PCCA: variants seen among roughly 807,000 people sequenced by gnomAD.
The protein encoded by PCCA is propionyl-CoA carboxylase subunit alpha.
Under a neutral mutation model 101.3 loss-of-function variants are expected in PCCA, and 74 were observed. That is an observed-to-expected ratio of 0.73 (90% CI 0.61 to 0.89). The LOEUF is 0.89. Among genes scored for constraint, PCCA ranks in the 40% least tolerant of loss-of-function variants. PCCA has a pLI of 0.00. For missense variants in PCCA, 891 were observed against 907.0 expected (o/e 0.98, Z 0.23); for synonymous variants, 294 against 313.6 (o/e 0.94, Z 0.66).
At chr13:100,369,101 A>G (rs1313624623) in intron 19 of PCCA, among the ~76,000 whole-genome samples, 3 of 152,188 alleles carry the variant, frequency 2.0e-5, no homozygotes, top group Non-Finnish European at 2.9e-5. Context: ...AGATTACAGT[A>G]AGATTTCAGT....
At chr13:100,317,038 GAAC>G (rs2067437012) in intron 16 of PCCA, among the ~76,000 whole-genome samples, 1 of 152,102 alleles carries the variant, frequency 6.6e-6, no homozygotes, top group African/African-American at 2.4e-5. Context: ...CTCCCAAAAT[GAAC>G]AATACTATTT....
At chr13:100,205,431 A>C (rs1184243799) in intron 6 of PCCA, among the ~76,000 whole-genome samples, 3 of 152,196 alleles carry the variant, frequency 2.0e-5, no homozygotes, top group African/African-American at 7.2e-5. Flanking sequence ...ACATTGATAA[A>C]AAGGAAGTTA....
intron 19 of PCCA, among the ~76,000 whole-genome samples, chr13:100,421,023 A>G (rs1267550512): frequency 1.3e-5 from 2 of 152,168 alleles, no homozygotes; most frequent in East Asian, 3.9e-4. Flanking sequence ...CCTGGCCAAC[A>G]TGGTGAAACA....
intron 21 of PCCA, among the ~76,000 whole-genome samples, chr13:100,503,546 GT>G (rs2085843423): frequency 6.6e-6 from 1 of 152,080 alleles, no homozygotes. Flanking sequence ...AACATCTTGT[GT>G]TTAAAAGTCT....
chr13:100,312,615 G>T (rs1466724143), intron 16 of PCCA, among the ~76,000 whole-genome samples: 1 of 152,192 alleles, frequency 6.6e-6, no homozygotes, highest in Non-Finnish European at 1.5e-5. Context: ...ACTGAATTAT[G>T]AGCATGTTCA....
chr13:100,197,283 C>T (rs1161637323), intron 6 of PCCA, among the ~76,000 whole-genome samples: 2 of 152,152 alleles, frequency 1.3e-5, no homozygotes, highest in Admixed American at 6.5e-5. Flanking sequence ...ACATGGCTCA[C>T]TGCAGCCTTG....
intron 12 of PCCA, among the ~76,000 whole-genome samples, chr13:100,281,056 G>C (rs1400567237): frequency 6.6e-6 from 1 of 152,116 alleles, no homozygotes; most frequent in Non-Finnish European, 1.5e-5. Context: ...CACATCGACT[G>C]TATGATACCT....
intron 20 of PCCA, among the ~76,000 whole-genome samples, chr13:100,430,015 G>A (rs1435604348): frequency 1.3e-5 from 2 of 152,010 alleles, no homozygotes; most frequent in African/African-American, 4.8e-5. Flanking sequence ...TGTGGCTCAC[G>A]CCTGTAATCC....
chr13:100,269,569 T>C (rs1306331830), intron 11 of PCCA, among the ~76,000 whole-genome samples: 1 of 152,184 alleles, frequency 6.6e-6, no homozygotes, highest in Non-Finnish European at 1.5e-5. Context: ...GTATGGGGCC[T>C]CATTTCTCAT....
intron 19 of PCCA, among the ~76,000 whole-genome samples, chr13:100,372,996 G>A (rs147292610): frequency 2.4e-3 from 366 of 152,112 alleles, no homozygotes; most frequent in African/African-American, 8.5e-3. Context: ...CACCCACTTC[G>A]GCCTCCCAAA....
intron 17 of PCCA, among the ~76,000 whole-genome samples, chr13:100,336,274 A>G (rs544930420): frequency 6.6e-6 from 1 of 152,268 alleles, no homozygotes; most frequent in Non-Finnish European, 1.5e-5. Context: ...AGAAACAAAA[A>G]CAAACAAACA....
intron 22 of PCCA, among the ~76,000 whole-genome samples, chr13:100,520,268 C>T (rs969622346): frequency 5.3e-5 from 8 of 152,190 alleles, no homozygotes; most frequent in African/African-American, 1.4e-4. Flanking sequence ...CCATCTCATT[C>T]CTGTCCTGTC....
intron 20 of PCCA, among the ~76,000 whole-genome samples, chr13:100,434,877 A>G (rs1005818999): frequency 3.3e-5 from 5 of 152,212 alleles, no homozygotes; most frequent in African/African-American, 9.7e-5. Context: ...AAGCTTAAGA[A>G]TTCGACCTCC....
chr13:100,100,448 A>G (rs1380824654), intron 1 of PCCA, among the ~76,000 whole-genome samples: 1 of 152,242 alleles, frequency 6.6e-6, no homozygotes, highest in Non-Finnish European at 1.5e-5. Context: ...TTGCTAGGAA[A>G]TACCTTACAA....
intron 19 of PCCA, among the ~76,000 whole-genome samples, chr13:100,422,064 CTT>C (rs1312704290): frequency 2.3e-5 from 1 of 43,752 alleles, no homozygotes; most frequent in Admixed American, 2.3e-4. Context: ...TTTCTCTTCT[CTT>C]TTCTTTTCTT....
At position 100,400,630 on chromosome 13, in the gene PCCA, C is replaced by CTTTTTTTTTT. The variant is rs1281449669; in HGVS notation, c.1747-24995_1747-24986dup. On this transcript the variant is annotated intron_variant, in intron 19 of 23. Coordinates refer to ENST00000376285, the MANE Select transcript of PCCA (RefSeq NM_000282.4). Reference sequence around the variant, plus strand: ...TGATTGATCTTAGTTCTTTTTAGTTCTTTTTTTTTTTTTTTTTGAGAGTTT... The same window carrying CTTTTTTTTTT: ...TGATTGATCTTAGTTCTTTTTAGTTCTTTTTTTTTTTTTTTTTTTTTTTTTTTGAGAGTTT... Among the ~76,000 whole-genome samples the CTTTTTTTTTT allele has an allele frequency of 5.3e-4, 48 of 90,962 alleles. 2 individuals are homozygous for CTTTTTTTTTT. The highest frequency in any genetic ancestry group is 2.4e-3 in the African/African-American group (45 of 18,636). The allele number at this position is 90,962 out of a possible 152,430, so 59.7% of individuals were successfully genotyped here. A position where few individuals can be genotyped will look rare whatever the true frequency, so the allele number is the denominator to read the frequency against.
intron 15 of PCCA, among the ~76,000 whole-genome samples, chr13:100,308,573 G>A (rs530496508): frequency 5.9e-5 from 9 of 152,004 alleles, no homozygotes; most frequent in Non-Finnish European, 1.2e-4. Context: ...CAATCCACCC[G>A]CCTCGGCCTC....
At chr13:100,395,962 G>A (rs2077026074) in intron 19 of PCCA, among the ~76,000 whole-genome samples, 1 of 152,172 alleles carries the variant, frequency 6.6e-6, no homozygotes, top group East Asian at 1.9e-4. Context: ...AGCAATCATA[G>A]TTTTCCTCTG....
intron 16 of PCCA, among the ~76,000 whole-genome samples, chr13:100,328,344 T>C (rs1436414281): frequency 6.7e-6 from 1 of 150,036 alleles, no homozygotes; most frequent in Non-Finnish European, 1.5e-5. Flanking sequence ...ACCTGGGCGA[T>C]AGAGTGAGAC....
Sources: allele counts gnomAD v4.1 joint callset (sites outside exome capture counted in the v4.1 genomes callset), GRCh38; gene constraint gnomAD v4.1.1; transcripts MANE v1.5; gene names NCBI Gene and HGNC (gene_info 2026-07-23, HGNC 2026-07-21).